The following TRPC4 variants were observed in gnomAD, a reference collection of about 807,000 sequenced individuals.
The protein encoded by TRPC4 is short transient receptor potential channel 4.
Under a neutral mutation model 99.4 loss-of-function variants are expected in TRPC4, and 49 were observed. The ratio of observed to expected loss-of-function variants is 0.49; its 90% confidence interval spans 0.39 to 0.63. The LOEUF (loss-of-function observed/expected upper bound fraction) is 0.63, where lower values mean the gene tolerates loss of function less well. Ranked by LOEUF, TRPC4 falls within the 20% of genes least tolerant of loss-of-function variation. TRPC4 has a pLI of 0.00. For synonymous variants in TRPC4, 454 were observed against 425.9 expected, an observed-to-expected ratio of 1.07 and a Z score of -0.81; for missense variants, 898 against 1,152.9, an observed-to-expected ratio of 0.78 and a Z score of 3.20.
chr13:37,841,762 AG>A (rs1462046865), intron 1 of TRPC4, among the ~76,000 whole-genome samples: 1 of 152,148 alleles, frequency 6.6e-6, no homozygotes, highest in East Asian at 1.9e-4. Flanking sequence ...GGAGGTGAAC[AG>A]ACTAAATCAT....
At chr13:37,838,971 T>C (rs963430037) in intron 1 of TRPC4, among the ~76,000 whole-genome samples, 1 of 152,206 alleles carries the variant, frequency 6.6e-6, no homozygotes, top group African/African-American at 2.4e-5. Flanking sequence ...TACTAAGAGA[T>C]AGAGCTGAGA....
At chr13:37,638,283 T>C (rs915372489) in intron 10 of TRPC4, among the ~76,000 whole-genome samples, 1 of 152,118 alleles carries the variant, frequency 6.6e-6, no homozygotes, top group African/African-American at 2.4e-5. Context: ...TCATTTAATA[T>C]TACAATTTGA....
At chr13:37,813,840 A>G (rs1052353362) in intron 1 of TRPC4, among the ~76,000 whole-genome samples, 1 of 151,924 alleles carries the variant, frequency 6.6e-6, no homozygotes, top group Non-Finnish European at 1.5e-5. Flanking sequence ...AACTCATTCT[A>G]TGAAGGCAGA....
chr13:37,867,356 A>C (rs1415600), intron 1 of TRPC4, among the ~76,000 whole-genome samples: 150,978 of 152,062 alleles, frequency 0.99, 74,958 homozygotes, highest in East Asian at 1. Context: ...CAGCTGCTAA[A>C]TATAATGCTG....
intron 8 of TRPC4, among the ~76,000 whole-genome samples, chr13:37,648,921 G>T (rs997836390): frequency 6.6e-6 from 1 of 151,930 alleles, no homozygotes; most frequent in Non-Finnish European, 1.5e-5. Context: ...TTTGTTACAA[G>T]TTTCCTGTTA....
intron 3 of TRPC4, among the ~76,000 whole-genome samples, chr13:37,692,960 G>A (rs1417443829): frequency 2.6e-5 from 4 of 152,114 alleles, no homozygotes; most frequent in Admixed American, 2.6e-4. Context: ...TATAAACAAT[G>A]CAAACACCTT....
At chr13:37,854,166 C>A (rs913439654) in intron 1 of TRPC4, among the ~76,000 whole-genome samples, 3 of 152,042 alleles carry the variant, frequency 2.0e-5, no homozygotes, top group Non-Finnish European at 4.4e-5. Flanking sequence ...AAGAAATTAT[C>A]CTAAAAGCAG....
At chr13:37,792,723 TTGTGTGTGTGTGTGTGTGTGTG>T (rs57918365) in intron 1 of TRPC4, among the ~76,000 whole-genome samples, 1 of 146,542 alleles carries the variant, frequency 6.8e-6, no homozygotes, top group Non-Finnish European at 1.5e-5. Context: ...GCTTCTAAAT[TTGTGTGTGTGTGTGTGTGTGTG>T]TGTGTGTGTG....
chr13:37,727,022 C>T (rs1404941911), intron 3 of TRPC4, among the ~76,000 whole-genome samples: 2 of 152,010 alleles, frequency 1.3e-5, no homozygotes, highest in Non-Finnish European at 2.9e-5. Flanking sequence ...CAAGAGCAGA[C>T]AGAATAATCT....
At chr13:37,658,622 G>C (rs564311633) in intron 6 of TRPC4, among the ~76,000 whole-genome samples, 1 of 152,182 alleles carries the variant, frequency 6.6e-6, no homozygotes, top group Non-Finnish European at 1.5e-5. Context: ...AAAGGGCTTT[G>C]CTTAATGAGA....
At chr13:37,724,590 A>G (rs1221087266) in intron 3 of TRPC4, among the ~76,000 whole-genome samples, 1 of 140,092 alleles carries the variant, frequency 7.1e-6, no homozygotes, top group African/African-American at 2.4e-5. Flanking sequence ...GAAAGACACT[A>G]TATAAGCGGT....
chr13:37,666,649 T>A (rs752212691), intron 5 of TRPC4, among the ~76,000 whole-genome samples: 9 of 152,202 alleles, frequency 5.9e-5, no homozygotes, highest in Non-Finnish European at 1.2e-4. Context: ...TTTCCACACC[T>A]ATTCTTAGGA....
chr13:37,645,589 G>A (rs1028760745), intron 8 of TRPC4, among the ~76,000 whole-genome samples: 4 of 152,170 alleles, frequency 2.6e-5, no homozygotes, highest in Non-Finnish European at 5.9e-5. Flanking sequence ...CATGCAGCTT[G>A]CTGTGTTCTT....
chr13:37,724,253 T>C (rs182179420), intron 3 of TRPC4, among the ~76,000 whole-genome samples: 20 of 152,294 alleles, frequency 1.3e-4, no homozygotes, highest in Middle Eastern at 3.4e-3. Context: ...TGTCAGTGAA[T>C]GTGTAGGCCC....
rs151226346 is a variant in TRPC4 at position 37,747,757 on chromosome 13, C to T, written c.379-1302G>A. Among the ~76,000 whole-genome samples, 13 of 152,208 alleles carry T rather than the reference C, an allele frequency of 8.5e-5. No individual in the cohort carries two copies. In the East Asian group the frequency reaches 1.7e-3, roughly 20 times the overall value. On this transcript the variant is annotated intron_variant, in intron 2 of 10. Transcript: ENST00000379705. ...CTAAAGATAATAGGAATGAAATTATCGATTTAAAATATCCTTTACAGAGGT... is the reference window on the plus strand; with the variant it reads ...CTAAAGATAATAGGAATGAAATTATTGATTTAAAATATCCTTTACAGAGGT...
At chr13:37,866,391 T>C (rs980453028) in intron 1 of TRPC4, among the ~76,000 whole-genome samples, 6 of 151,804 alleles carry the variant, frequency 4.0e-5, no homozygotes, top group African/African-American at 1.4e-4. Flanking sequence ...ATTTCTTTCT[T>C]ATTCTATTAA....
intron 1 of TRPC4, among the ~76,000 whole-genome samples, chr13:37,794,230 G>A (rs561769561): frequency 6.6e-6 from 1 of 151,984 alleles, no homozygotes; most frequent in South Asian, 2.1e-4. Context: ...TTAATAATGA[G>A]AACATAATAT....
chr13:37,773,574 C>T (rs1286573931), intron 2 of TRPC4, among the ~76,000 whole-genome samples: 1 of 151,714 alleles, frequency 6.6e-6, no homozygotes, highest in Non-Finnish European at 1.5e-5. Flanking sequence ...CCACATGGTG[C>T]TGGAGGGAGA....
chr13:37,764,463 G>A (rs1459831232), intron 2 of TRPC4, among the ~76,000 whole-genome samples: 1 of 147,912 alleles, frequency 6.8e-6, no homozygotes, highest in Non-Finnish European at 1.5e-5. Context: ...CTTTCATATT[G>A]GTTACAATAA....
Sources: allele counts gnomAD v4.1 joint callset (sites outside exome capture counted in the v4.1 genomes callset), GRCh38; gene constraint gnomAD v4.1.1; transcripts MANE v1.5; gene names NCBI Gene and HGNC (gene_info 2026-07-23, HGNC 2026-07-21).